Variants in FRAS1 observed in about 807,000 individuals in gnomAD.
FRAS1 encodes the protein extracellular matrix organizing protein FRAS1.
FRAS1 carries 290 observed loss-of-function variants against 435.2 expected under a neutral mutation model. That is an observed-to-expected ratio of 0.67 (90% confidence interval 0.61 to 0.73). The LOEUF is 0.73. Ranked by LOEUF, FRAS1 falls within the 30% of genes least tolerant of loss-of-function variation. The pLI, the probability that FRAS1 is intolerant of heterozygous loss-of-function variation, is 0.00. For missense variants in FRAS1, 4,860 were observed against 5,001.5 expected (o/e 0.97, Z 0.85); for synonymous variants, 1,800 against 1,851.0 (o/e 0.97, Z 0.71).
chr4:78,130,966 A>G (rs576441489), intron 2 of FRAS1, among the ~76,000 whole-genome samples: 3 of 152,328 alleles, frequency 2.0e-5, no homozygotes, highest in African/African-American at 7.2e-5. Flanking sequence ...TATTTCCACT[A>G]GCCATCAAGC....
intron 2 of FRAS1, among the ~76,000 whole-genome samples, chr4:78,117,240 C>A (rs568384683): frequency 1.3e-5 from 2 of 152,258 alleles, no homozygotes; most frequent in East Asian, 1.9e-4. Context: ...GGTAACCTGA[C>A]CTTTCTCTCT....
At chr4:78,281,764 G>C (rs1053857182) in intron 11 of FRAS1, among the ~76,000 whole-genome samples, 1 of 152,078 alleles carries the variant, frequency 6.6e-6, no homozygotes, top group African/African-American at 2.4e-5. Context: ...AGAGTTTTAT[G>C]TACTGCAAAG....
At chr4:78,363,051 G>A (rs1731135822) in intron 20 of FRAS1, among the ~76,000 whole-genome samples, 1 of 152,128 alleles carries the variant, frequency 6.6e-6, no homozygotes, top group African/African-American at 2.4e-5. Flanking sequence ...GTTTTATGGT[G>A]AAGGTGGGGT....
At chr4:78,329,345 C>G (rs181411529) in intron 18 of FRAS1, among the ~76,000 whole-genome samples, 2 of 152,228 alleles carry the variant, frequency 1.3e-5, no homozygotes, top group Admixed American at 1.3e-4. Flanking sequence ...AATCCTCCCC[C>G]TCAATGCATT....
In FRAS1 at chr4:78,450,252, C is replaced by A. The variant is rs779986441; in HGVS notation, c.6376C>A (p.Arg2126Ser). ...CATGAAGGAAGATCCTGGTGCAGGG[C>A]GCCTGCAGATGATGAAGCATGGCAA... Reference protein sequence around the residue: ...YIMKEDPGAGRLQMMKHGNLE... With the variant: ...YIMKEDPGAGSLQMMKHGNLE... Residue 2126 changes from arginine (R) to serine (S), a missense_variant, in exon 45 of 74, where the codon CGC becomes AGC. Physicochemically the swap from Arg to Ser is moderately radical, Grantham distance 110 (BLOSUM62 -1). Transcript: ENST00000512123. The A allele has an allele frequency of 6.2e-7, 1 of 1,613,334 alleles. No individual in the cohort carries two copies. Among genetic ancestry groups the A allele is most frequent in the Admixed American group, 1.7e-5 (1 of 59,986 alleles).
At chr4:78,386,901 T>C (rs1732238007) in intron 28 of FRAS1, among the ~76,000 whole-genome samples, 2 of 152,084 alleles carry the variant, frequency 1.3e-5, no homozygotes, top group African/African-American at 4.8e-5. Flanking sequence ...CTGTCAAGAT[T>C]TGGATGAGAA....
chr4:78,258,859 C>G, intron 6 of FRAS1, among the ~76,000 whole-genome samples: 1 of 88,910 alleles, frequency 1.1e-5, no homozygotes, highest in African/African-American at 4.3e-5. Context: ...CTCCCCCCTC[C>G]CCCCACCCCA....
intron 70 of FRAS1, among the ~76,000 whole-genome samples, chr4:78,527,763 A>AG (rs2109899575): frequency 6.6e-6 from 1 of 152,260 alleles, no homozygotes; most frequent in Non-Finnish European, 1.5e-5. Flanking sequence ...GCCAGAGCAA[A>AG]GGGGCAATAA....
At chr4:78,456,150 T>TTTTTTTC (rs1719192479) in intron 47 of FRAS1, among the ~76,000 whole-genome samples, 2 of 141,640 alleles carry the variant, frequency 1.4e-5, no homozygotes, top group Admixed American at 7.0e-5. Context: ...TTTTTTTTTT[T>TTTTTTTC]TTTTTTTTTT....
intron 19 of FRAS1, among the ~76,000 whole-genome samples, chr4:78,333,658 A>C (rs1174959509): frequency 2.0e-5 from 3 of 152,276 alleles, no homozygotes; most frequent in African/African-American, 7.2e-5. Flanking sequence ...TATTTGAATA[A>C]ACTCTGAACT....
intron 2 of FRAS1, among the ~76,000 whole-genome samples, chr4:78,228,925 GAA>G (rs1200618712): frequency 6.6e-6 from 1 of 152,200 alleles, no homozygotes; most frequent in Admixed American, 6.5e-5. Context: ...CAGAGACTCA[GAA>G]AAGCTAAGAG....
At chr4:78,153,163 G>GCAT (rs1720742348) in intron 2 of FRAS1, among the ~76,000 whole-genome samples, 1 of 152,028 alleles carries the variant, frequency 6.6e-6, no homozygotes. Context: ...TTTGTCCATG[G>GCAT]CATACAAGAC....
intron 6 of FRAS1, among the ~76,000 whole-genome samples, chr4:78,256,323 A>G (rs1331072054): frequency 1.3e-5 from 2 of 152,220 alleles, no homozygotes; most frequent in Non-Finnish European, 2.9e-5. Flanking sequence ...ACAAAGCCAT[A>G]TCCTTGCTTT....
intron 9 of FRAS1, among the ~76,000 whole-genome samples, chr4:78,274,281 A>AT (rs1416451075): frequency 1.3e-5 from 2 of 151,090 alleles, no homozygotes; most frequent in African/African-American, 4.8e-5. Flanking sequence ...GGATTCATTG[A>AT]TTTTTTGAAG....
At chr4:78,512,272 C>T (rs977873975) in intron 64 of FRAS1, among the ~76,000 whole-genome samples, 14 of 152,106 alleles carry the variant, frequency 9.2e-5, no homozygotes, top group African/African-American at 2.9e-4. Context: ...CTCAGTTGCT[C>T]ATAAACTCAG....
chr4:78,097,974 A>T (rs1472404878), intron 2 of FRAS1, among the ~76,000 whole-genome samples: 1 of 142,080 alleles, frequency 7.0e-6, no homozygotes, highest in African/African-American at 3.0e-5. Context: ...CCTCAGAAGA[A>T]ACCATCTTTG....
At chr4:78,215,481 A>T (rs1035429694) in intron 2 of FRAS1, among the ~76,000 whole-genome samples, 5 of 152,208 alleles carry the variant, frequency 3.3e-5, no homozygotes, top group African/African-American at 1.2e-4. Flanking sequence ...GGCATGAGCC[A>T]CCGCACCCGG....
chr4:78,362,247 C>G (rs1007295023), intron 20 of FRAS1, among the ~76,000 whole-genome samples: 1 of 152,228 alleles, frequency 6.6e-6, no homozygotes, highest in Non-Finnish European at 1.5e-5. Context: ...TATTTACTAA[C>G]CTCAGTCCAT....
At chr4:78,087,958 T>G (rs552848785) in intron 2 of FRAS1, among the ~76,000 whole-genome samples, 17 of 152,058 alleles carry the variant, frequency 1.1e-4, no homozygotes, top group African/African-American at 2.2e-4. Flanking sequence ...AAAAGAGCCC[T>G]CATTGCCAAG....
Sources: allele counts gnomAD v4.1 joint callset (sites outside exome capture counted in the v4.1 genomes callset), GRCh38; gene constraint gnomAD v4.1.1; transcripts MANE v1.5; gene names NCBI Gene and HGNC (gene_info 2026-07-23, HGNC 2026-07-21).